Variants in SPINK5 observed in about 807,000 individuals in gnomAD.
SPINK5 encodes the protein serine peptidase inhibitor Kazal type 5.
In SPINK5, 125 loss-of-function variants were observed where a neutral mutation model predicts 151.8. The observed-to-expected ratio is 0.82, with a 90% confidence interval of 0.71 to 0.96. The LOEUF (loss-of-function observed/expected upper bound fraction) is 0.96. SPINK5 is among the 40% of genes least tolerant of loss of function. The pLI, the probability that SPINK5 is intolerant of heterozygous loss-of-function variation, is 0.00. For synonymous variants in SPINK5, 374 were observed against 395.3 expected (o/e 0.95, Z 0.64); for missense variants, 1,194 against 1,291.9 (o/e 0.92, Z 1.16).
At chr5:148,071,548 T>C (rs1201821938) in intron 3 of SPINK5, among the ~76,000 whole-genome samples, 1 of 152,142 alleles carries the variant, frequency 6.6e-6, no homozygotes, top group Non-Finnish European at 1.5e-5. Context: ...AGTATGAATA[T>C]AATAAATTTA....
At chr5:148,115,254 A>C (rs1754054508) in intron 21 of SPINK5, among the ~76,000 whole-genome samples, 1 of 152,206 alleles carries the variant, frequency 6.6e-6, no homozygotes, top group Non-Finnish European at 1.5e-5. Context: ...TAAGGATCTA[A>C]AATTAGGAAA....
intron 30 of SPINK5, 39 bp downstream of exon 30, chr5:148,127,118 A>G (rs1428213546): frequency 1.3e-6 from 2 of 1,561,780 alleles, no homozygotes; most frequent in African/African-American, 2.7e-5. Flanking sequence ...TTATCAATTT[A>G]ATTTTCTTGA....
intron 4 of SPINK5, among the ~76,000 whole-genome samples, chr5:148,077,118 AACTC>A (rs1289544506): frequency 2.0e-5 from 3 of 151,246 alleles, no homozygotes; most frequent in Non-Finnish European, 3.0e-5. Context: ...ACATTTAAGA[AACTC>A]AATACACCCC....
chr5:148,107,240 G>T, intron 17 of SPINK5, 76 bp downstream of exon 17: 7 of 1,571,564 alleles, frequency 4.5e-6, no homozygotes, highest in Non-Finnish European at 6.1e-6. Flanking sequence ...CTTCATGCAT[G>T]TGTAGAGTAT....
chr5:148,126,205 ATATAT>A (rs1180427557), intron 29 of SPINK5, among the ~76,000 whole-genome samples: 6 of 152,294 alleles, frequency 3.9e-5, no homozygotes, highest in Admixed American at 6.5e-5. Context: ...ACACCCCAAA[ATATAT>A]TATATCAGAA....
chr5:148,076,904 A>G (rs543514214), intron 4 of SPINK5, among the ~76,000 whole-genome samples: 1 of 151,712 alleles, frequency 6.6e-6, no homozygotes, highest in African/African-American at 2.4e-5. Flanking sequence ...AAAGCTTAAT[A>G]AAAACTAACA....
chr5:148,123,047 T>C (rs1754314585), intron 26 of SPINK5, among the ~76,000 whole-genome samples: 1 of 151,252 alleles, frequency 6.6e-6, no homozygotes, highest in South Asian at 2.1e-4. Flanking sequence ...TCATAGAAAA[T>C]GGTATTAAAA....
chr5:148,071,648 C>T (rs1752739962), intron 3 of SPINK5, among the ~76,000 whole-genome samples: 1 of 146,976 alleles, frequency 6.8e-6, no homozygotes, highest in African/African-American at 2.6e-5. Context: ...ATTTTTATGA[C>T]TTACGTAAAT....
rs781646598 is a variant in SPINK5 at position 148,111,896 on chromosome 5, G to A, written c.1820+1G>A. The A allele has an allele frequency of 1.9e-6, 3 of 1,613,970 alleles. 1 individual carries two copies. In the South Asian group the frequency reaches 3.3e-5, roughly 18 times the overall value. On this transcript the variant is annotated splice_donor_variant, in intron 19 of 32. Transcript: ENST00000256084. LOFTEE classifies it high-confidence loss of function. ...CCTGCTCCATGTGTGAAGCCTTCTT[G>A]TGAGTGGGCGGCAGCCACTGCTGCT...
intron 8 of SPINK5, 104 bp downstream of exon 8, chr5:148,091,332 TATATAG>T (rs1426098950): frequency 2.2e-6 from 2 of 896,036 alleles, no homozygotes; most frequent in African/African-American, 3.4e-5. Context: ...CTTTTATTAT[TATATAG>T]ATATTTTTCT....
In SPINK5 at chr5:148,089,639, C is replaced by T; in HGVS notation, c.602+18C>T. 1 of 1,611,368 alleles carries T rather than the reference C, an allele frequency of 6.2e-7. No individual in the cohort carries two copies. The highest frequency in any genetic ancestry group is 1.1e-5 in the South Asian group (1 of 91,032). On this transcript the variant is annotated intron_variant, in intron 7 of 32. Coordinates refer to ENST00000256084, the MANE Select transcript of SPINK5 (RefSeq NM_006846.4). ...GAGCTGTTGTAAGTAGCATCATCCC[C>T]AGGTGGACTTGATGATGATGCACTT... is the stretch of plus-strand genomic sequence containing the variant.
At chr5:148,130,761 T>A (rs906040698) in intron 30 of SPINK5, among the ~76,000 whole-genome samples, 1 of 152,138 alleles carries the variant, frequency 6.6e-6, no homozygotes, top group Non-Finnish European at 1.5e-5. Context: ...AGGACTACTA[T>A]TATTTATGAT....
chr5:148,116,684 T>G (rs902887679), intron 22 of SPINK5, among the ~76,000 whole-genome samples: 6 of 152,226 alleles, frequency 3.9e-5, no homozygotes, highest in Non-Finnish European at 7.3e-5. Context: ...CAATATGTAA[T>G]GACCTTATCC....
chr5:148,089,679 G>A (rs1046928086), intron 7 of SPINK5, 58 bp downstream of exon 7: 1 of 1,609,432 alleles, frequency 6.2e-7, no homozygotes, highest in Admixed American at 1.7e-5. Flanking sequence ...GCTGTCCCGA[G>A]AATCACTCAG....
intron 13 of SPINK5, 131 bp downstream of exon 13, chr5:148,100,712 G>A: frequency 3.9e-6 from 4 of 1,014,000 alleles, no homozygotes; most frequent in African/African-American, 1.6e-5. Context: ...GAAACTGTCT[G>A]ATTGGAGACA....
chr5:148,112,403 G>A (rs1753959522), intron 19 of SPINK5, among the ~76,000 whole-genome samples: 1 of 152,146 alleles, frequency 6.6e-6, no homozygotes, highest in Non-Finnish European at 1.5e-5. Context: ...GGCTGGGTGT[G>A]GTGGCTCATG....
Position 148,088,524 on chromosome 5 carries a change from A to G in SPINK5, c.411-18A>G. On this transcript the variant is annotated intron_variant, in intron 5 of 32. Coordinates refer to ENST00000256084, the MANE Select transcript of SPINK5 (RefSeq NM_006846.4). ...TCTGTGATATTAAACTGCTGTGTCT[A>G]CTAACTTTTGATTCTAGGAAAACCG... 6.2e-7 allele frequency: 1 copy of G among 1,610,130 alleles called. No homozygotes were observed. The highest frequency in any genetic ancestry group is 8.5e-7 in the Non-Finnish European group (1 of 1,177,220).
Position 148,116,358 on chromosome 5 carries a change from T to C in SPINK5, c.2016-12T>C. 1.2e-6 allele frequency: 2 copies of C among 1,613,866 alleles called. No homozygotes were observed. The highest frequency in any genetic ancestry group is 1.7e-6 in the Non-Finnish European group (2 of 1,179,806). On this transcript the variant is annotated splice_polypyrimidine_tract_variant and intron_variant, in intron 21 of 32. Coordinates refer to ENST00000256084, the MANE Select transcript of SPINK5 (RefSeq NM_006846.4). ...ATCTATTGTTCCCTACCTCCCACTT[T>C]CTAATTTCCAGCCAGAAAGAAAATG...
At chr5:148,090,793 G>T (rs1023310944) in intron 7 of SPINK5, 4 of 225,746 alleles carry the variant, frequency 1.8e-5, no homozygotes, top group Non-Finnish European at 3.5e-5. Flanking sequence ...AAAGCTCTTG[G>T]TTCTGCCTGT....
Sources: gnomAD v4.1 joint callset for allele counts (sites outside exome capture counted in the v4.1 genomes callset) on GRCh38, gnomAD v4.1.1 for gene constraint, MANE v1.5 for transcripts, NCBI Gene and HGNC (gene_info 2026-07-23, HGNC 2026-07-21) for gene names.